DPP10: variants seen among roughly 807,000 people sequenced by gnomAD.
DPP10 encodes the protein inactive dipeptidyl peptidase 10.
Under a neutral mutation model 120.9 loss-of-function variants are expected in DPP10, and 33 were observed. The ratio of observed to expected loss-of-function variants is 0.27; its 90% CI spans 0.21 to 0.37. The LOEUF is 0.37. Ranked by LOEUF, DPP10 falls within the 10% of genes least tolerant of loss-of-function variation. DPP10 has a pLI of 1.00. For missense variants in DPP10, 816 were observed against 942.8 expected (o/e 0.87, Z 1.76); for synonymous variants, 337 against 326.1 (o/e 1.03, Z -0.36).
chr2:114,888,204 A>T (rs1692237648), intron 1 of DPP10, among the ~76,000 whole-genome samples: 1 of 152,098 alleles, frequency 6.6e-6, no homozygotes, highest in Non-Finnish European at 1.5e-5. Context: ...CTGTATTAGA[A>T]GACACCAATG....
chr2:115,380,486 T>C (rs538317953), intron 3 of DPP10, among the ~76,000 whole-genome samples: 91 of 152,340 alleles, frequency 6.0e-4, no homozygotes, highest in Middle Eastern at 6.8e-3. Context: ...AGCACACTGA[T>C]AGGTCTTGAC....
intron 1 of DPP10, among the ~76,000 whole-genome samples, chr2:114,968,273 A>T (rs1699172635): frequency 6.6e-6 from 1 of 152,156 alleles, no homozygotes; most frequent in Non-Finnish European, 1.5e-5. Flanking sequence ...AAAAAAATTT[A>T]TTCAGTTTTC....
intron 1 of DPP10, among the ~76,000 whole-genome samples, chr2:114,724,904 G>A (rs2105919740): frequency 6.6e-6 from 1 of 152,266 alleles, no homozygotes; most frequent in African/African-American, 2.4e-5. Context: ...GTTTGAAGCT[G>A]TAAGAATTTA....
intron 1 of DPP10, among the ~76,000 whole-genome samples, chr2:115,157,615 C>T (rs1314343672): frequency 2.0e-5 from 3 of 152,152 alleles, no homozygotes; most frequent in Non-Finnish European, 4.4e-5. Flanking sequence ...ATGAGGATTG[C>T]TCAGCATACT....
At chr2:115,138,134 C>A (rs990305752) in intron 1 of DPP10, among the ~76,000 whole-genome samples, 2 of 152,012 alleles carry the variant, frequency 1.3e-5, no homozygotes, top group African/African-American at 4.8e-5. Context: ...TGCTTCATTT[C>A]CTCTCTACAT....
intron 1 of DPP10, among the ~76,000 whole-genome samples, chr2:114,500,049 G>C (rs1683023367): frequency 6.6e-6 from 1 of 152,112 alleles, no homozygotes; most frequent in African/African-American, 2.4e-5. Flanking sequence ...AGAATATTAG[G>C]GTTCCCTCTT....
At chr2:114,863,149 A>G (rs1419509298) in intron 1 of DPP10, among the ~76,000 whole-genome samples, 1 of 152,174 alleles carries the variant, frequency 6.6e-6, no homozygotes, top group Admixed American at 6.5e-5. Context: ...AGGAGTTCTC[A>G]GTGCTCTATG....
intron 1 of DPP10, among the ~76,000 whole-genome samples, chr2:115,063,807 A>C (rs1024220130): frequency 1.3e-5 from 2 of 152,216 alleles, no homozygotes; most frequent in Non-Finnish European, 2.9e-5. Context: ...CCAAACTATA[A>C]AAACCTAGAG....
chr2:115,523,225 C>G (rs1290632742), intron 4 of DPP10, among the ~76,000 whole-genome samples: 1 of 151,884 alleles, frequency 6.6e-6, no homozygotes, highest in Non-Finnish European at 1.5e-5. Context: ...AAGTGCCAGA[C>G]TGGGTAATTG....
intron 1 of DPP10, among the ~76,000 whole-genome samples, chr2:114,779,505 A>G (rs993103412): frequency 3.3e-5 from 5 of 152,162 alleles, no homozygotes; most frequent in Middle Eastern, 3.2e-3. Context: ...GTCATATCTT[A>G]TAAAATGTAA....
chr2:115,056,198 G>A (rs1381106918), intron 1 of DPP10, among the ~76,000 whole-genome samples: 1 of 152,106 alleles, frequency 6.6e-6, no homozygotes, highest in Non-Finnish European at 1.5e-5. Flanking sequence ...GGAGGGTGAG[G>A]CAGGGCATAT....
At chr2:114,502,222 G>A (rs1274380711) in intron 1 of DPP10, among the ~76,000 whole-genome samples, 1 of 151,996 alleles carries the variant, frequency 6.6e-6, no homozygotes, top group Non-Finnish European at 1.5e-5. Context: ...CAAAGTGCTG[G>A]GATAACAGGC....
chr2:114,713,878 G>A (rs1701184974), intron 1 of DPP10, among the ~76,000 whole-genome samples: 2 of 151,676 alleles, frequency 1.3e-5, no homozygotes, highest in Non-Finnish European at 2.9e-5. Context: ...CCAGGTCCTC[G>A]GGAAGCTGAG....
intron 11 of DPP10, among the ~76,000 whole-genome samples, chr2:115,757,058 T>C (rs1336996192): frequency 6.6e-6 from 1 of 151,978 alleles, no homozygotes; most frequent in Non-Finnish European, 1.5e-5. Flanking sequence ...ACAATCACAA[T>C]TAAATTTTAA....
intron 3 of DPP10, among the ~76,000 whole-genome samples, chr2:115,454,668 C>G (rs779556914): frequency 8.6e-4 from 131 of 151,484 alleles, no homozygotes; most frequent in Non-Finnish European, 1.6e-3. Context: ...TGAAATGAGG[C>G]AAGAATGTCT....
At chr2:115,674,355 TAAAG>T (rs1435353785) in intron 5 of DPP10, among the ~76,000 whole-genome samples, 2 of 151,174 alleles carry the variant, frequency 1.3e-5, no homozygotes, top group African/African-American at 4.8e-5. Context: ...GGCACAGAAA[TAAAG>T]AAAACAGGCC....
chr2:114,806,946 C>T (rs1012642251), intron 1 of DPP10, among the ~76,000 whole-genome samples: 4 of 152,142 alleles, frequency 2.6e-5, no homozygotes, highest in Non-Finnish European at 4.4e-5. Flanking sequence ...TAGTACAAGC[C>T]GACAGCATCC....
At chr2:115,480,973 C>A (rs2075392188) in intron 3 of DPP10, among the ~76,000 whole-genome samples, 1 of 152,080 alleles carries the variant, frequency 6.6e-6, no homozygotes, top group African/African-American at 2.4e-5. Flanking sequence ...TCTGTGCAAA[C>A]AGGTGGCTTG....
intron 1 of DPP10, among the ~76,000 whole-genome samples, chr2:114,901,134 A>G (rs758025518): frequency 6.6e-6 from 1 of 152,164 alleles, no homozygotes; most frequent in Non-Finnish European, 1.5e-5. Flanking sequence ...AAGTCTATGG[A>G]AAAAATGCCC....
Sources: allele counts gnomAD v4.1 joint callset (sites outside exome capture counted in the v4.1 genomes callset), GRCh38; gene constraint gnomAD v4.1.1; transcripts MANE v1.5; gene names NCBI Gene and HGNC (gene_info 2026-07-23, HGNC 2026-07-21).